The following TMEM30A variants were observed in gnomAD, a reference collection of about 807,000 sequenced individuals.
TMEM30A encodes the protein cell cycle control protein 50A.
A neutral mutation model predicts 38.2 loss-of-function variants in TMEM30A; 24 were observed. That is an observed-to-expected ratio of 0.63 (90% confidence interval 0.46 to 0.88). The LOEUF (loss-of-function observed/expected upper bound fraction) is 0.88, where lower values mean the gene tolerates loss of function less well. Ranked by LOEUF, TMEM30A falls within the 40% of genes least tolerant of loss-of-function variation. The pLI, the probability that TMEM30A is intolerant of heterozygous loss-of-function variation, is 0.00. For missense variants in TMEM30A, 370 were observed against 458.6 expected, an observed-to-expected ratio of 0.81 and a Z score of 1.77; for synonymous variants, 145 against 161.6, an observed-to-expected ratio of 0.90 and a Z score of 0.78.
intron 2 of TMEM30A, 64 bp downstream of exon 2, chr6:75,267,577 T>A: frequency 8.7e-7 from 1 of 1,149,872 alleles, no homozygotes; most frequent in Non-Finnish European, 1.3e-6. Context: ...GTAAAAGACA[T>A]TTAGTACAGT....
At chr6:75,282,222 G>C (rs1772370282) in intron 1 of TMEM30A, among the ~76,000 whole-genome samples, 2 of 152,194 alleles carry the variant, frequency 1.3e-5, no homozygotes, top group African/African-American at 4.8e-5. Context: ...CAGAGTGACA[G>C]AGCTGGGATT....
chr6:75,265,586 T>C (rs1004565763), intron 2 of TMEM30A, among the ~76,000 whole-genome samples: 2 of 152,204 alleles, frequency 1.3e-5, no homozygotes, highest in African/African-American at 4.8e-5. Context: ...AAAAGTACTA[T>C]TTACATTAAA....
chr6:75,283,377 TCCTG>T (rs1772393203), intron 1 of TMEM30A, among the ~76,000 whole-genome samples: 1 of 151,410 alleles, frequency 6.6e-6, no homozygotes, highest in Non-Finnish European at 1.5e-5. Flanking sequence ...TGGTACTAGT[TCCTG>T]CCCTTTCAAA....
chr6:75,255,498 T>C lies in TMEM30A; in HGVS notation c.*604A>G, dbSNP rs577694842. ...CTGCAGACATGAGCATTAATTCTTATGCCAGACAAGGTAAGCGTGTCCTTT... is the reference window on the plus strand; with the variant it reads ...CTGCAGACATGAGCATTAATTCTTACGCCAGACAAGGTAAGCGTGTCCTTT... On this transcript the variant is annotated 3_prime_UTR_variant, in exon 7 of 7. Coordinates refer to ENST00000230461, the MANE Select transcript of TMEM30A (RefSeq NM_018247.4). The C allele has an allele frequency of 8.5e-5, 13 of 152,610 alleles. No homozygotes were observed. The highest frequency in any genetic ancestry group is 2.6e-4 in the African/African-American group (11 of 41,578). The allele number at this position is 152,610 out of a possible 1,614,324, so 9.5% of individuals were successfully genotyped here. A position where few individuals can be genotyped will look rare whatever the true frequency, so the allele number is the denominator to read the frequency against.
intron 1 of TMEM30A, chr6:75,284,129 C>G (rs1461185574): frequency 2.0e-6 from 1 of 501,728 alleles, no homozygotes; most frequent in Non-Finnish European, 3.6e-6. Flanking sequence ...TCCACCTGAC[C>G]TATCTTCTGC....
Position 75,256,070 on chromosome 6 carries a change from A to G in TMEM30A, c.*32T>C, listed in dbSNP as rs1286051180. Reference sequence around the variant, plus strand: ...GGTTGAATAGGACTGGCCTTGATGCACATGCAGATGATTTGCTTTCATAAT... The same window carrying G: ...GGTTGAATAGGACTGGCCTTGATGCGCATGCAGATGATTTGCTTTCATAAT... On this transcript the variant is annotated 3_prime_UTR_variant, in exon 7 of 7. Coordinates refer to ENST00000230461, the MANE Select transcript of TMEM30A (RefSeq NM_018247.4). 6.7e-7 allele frequency: 1 copy of G among 1,500,684 alleles called. No individual in the cohort carries two copies. Among genetic ancestry groups the G allele is most frequent in the Non-Finnish European group, 9.2e-7 (1 of 1,088,482 alleles). The allele number at this position is 1,500,684 out of a possible 1,614,324, so 93.0% of individuals were successfully genotyped here. A position where few individuals can be genotyped will look rare whatever the true frequency, so the allele number is the denominator to read the frequency against.
At chr6:75,267,575 C>T (rs1205244674) in intron 2 of TMEM30A, 66 bp downstream of exon 2, 1 of 1,125,630 alleles carries the variant, frequency 8.9e-7, no homozygotes, top group Non-Finnish European at 1.3e-6. Context: ...TTGTAAAAGA[C>T]ATTTAGTACA....
chr6:75,262,648 A>G (rs1001282576), intron 3 of TMEM30A, among the ~76,000 whole-genome samples: 16 of 152,202 alleles, frequency 1.1e-4, no homozygotes, highest in Admixed American at 3.3e-4. Context: ...CCGTCTCAAA[A>G]AAAAAAACAA....
At chr6:75,272,349 G>A (rs1327093772) in intron 1 of TMEM30A, 2 of 149,500 alleles carry the variant, frequency 1.3e-5, no homozygotes, top group East Asian at 3.8e-4. Context: ...GCCTGGACAA[G>A]CCCAAGCAAG....
chr6:75,267,607 T>C lies in TMEM30A; in HGVS notation c.345+34A>G, dbSNP rs182657817. On this transcript the variant is annotated intron_variant, in intron 2 of 6. Coordinates refer to ENST00000230461, the MANE Select transcript of TMEM30A (RefSeq NM_018247.4). ...TACAGTATCAGTATTTTTTAAAGCA[T>C]GGCTTTTCTAGCACATTACTTGGAA... is the stretch of plus-strand genomic sequence containing the variant. 6 of 1,490,472 alleles carry C rather than the reference T, an allele frequency of 4.0e-6. No individual in the cohort carries two copies. The Admixed American group carries it at 5.3e-5, about 13-fold the overall frequency. 92.3% of individuals were successfully genotyped at this position (1,490,472 alleles called of 1,614,324 possible).
chr6:75,259,575 A>G, intron 4 of TMEM30A, 85 bp from the exon 5 acceptor site: 5 of 1,257,026 alleles, frequency 4.0e-6, no homozygotes, highest in Non-Finnish European at 3.2e-6. Flanking sequence ...TAAGGACCTG[A>G]TATTTGTTTC....
intron 1 of TMEM30A, among the ~76,000 whole-genome samples, chr6:75,274,844 T>C (rs934777138): frequency 2.0e-5 from 3 of 152,026 alleles, no homozygotes; most frequent in Non-Finnish European, 4.4e-5. Context: ...ACCCCGTCTC[T>C]ACTAAAAATA....
At chr6:75,268,838 G>T (rs1772115667) in intron 1 of TMEM30A, among the ~76,000 whole-genome samples, 1 of 152,104 alleles carries the variant, frequency 6.6e-6, no homozygotes. Flanking sequence ...TCTGAAGTGG[G>T]GGCAGTCTTG....
intron 1 of TMEM30A, among the ~76,000 whole-genome samples, chr6:75,276,260 G>C (rs544666674): frequency 1.3e-5 from 2 of 152,070 alleles, no homozygotes; most frequent in Non-Finnish European, 2.9e-5. Flanking sequence ...ACGGGTAAAC[G>C]TAAATAAAGT....
rs1489193244 is a variant in TMEM30A at position 75,254,591 on chromosome 6, GT to G, written c.*1510del. 6.6e-6 allele frequency: 1 copy of G among 151,680 alleles called. No homozygotes were observed. The highest frequency in any genetic ancestry group is 1.5e-5 in the Non-Finnish European group (1 of 67,872). 9.4% of individuals were successfully genotyped at this position (151,680 alleles called of 1,614,324 possible). On this transcript the variant is annotated 3_prime_UTR_variant, in exon 7 of 7. Coordinates refer to ENST00000230461, the MANE Select transcript of TMEM30A (RefSeq NM_018247.4). ...CATTTCTACTATTAACCATTACATT[GT>G]TTTTTGTTTTTTAAAAAAAGTATAT...
In TMEM30A at chr6:75,274,374, A is replaced by C. The variant is rs75461055; in HGVS notation, c.238-6626T>G. On this transcript the variant is annotated intron_variant, in intron 1 of 6. Coordinates refer to ENST00000230461, the MANE Select transcript of TMEM30A (RefSeq NM_018247.4). ...GAACAGTATCCTGAATGCTAGACAG[A>C]AACAGCCATAAGAGAAATTTTAAAT... Among the ~76,000 whole-genome samples, 1,078 of 152,332 alleles carry C rather than the reference A, an allele frequency of 7.1e-3. 34 individuals carry two copies. In the East Asian group the frequency reaches 0.11, roughly 15 times the overall value.
chr6:75,270,121 T>C (rs546764332), intron 1 of TMEM30A, among the ~76,000 whole-genome samples: 1 of 152,212 alleles, frequency 6.6e-6, no homozygotes. Context: ...TTTACTTTTG[T>C]AAGAAACTGC....
chr6:75,261,642 C>T (rs1428792420), intron 3 of TMEM30A, among the ~76,000 whole-genome samples: 4 of 152,164 alleles, frequency 2.6e-5, no homozygotes, highest in African/African-American at 9.7e-5. Flanking sequence ...GGGACCCTCC[C>T]GCCACATTAA....
intron 1 of TMEM30A, among the ~76,000 whole-genome samples, chr6:75,283,032 C>G: frequency 6.6e-6 from 1 of 151,984 alleles, no homozygotes; most frequent in East Asian, 1.9e-4. Flanking sequence ...GGTGATAAAA[C>G]AAACTAAAAT....
Sources: allele counts gnomAD v4.1 joint callset (sites outside exome capture counted in the v4.1 genomes callset), GRCh38; gene constraint gnomAD v4.1.1; transcripts MANE v1.5; gene names NCBI Gene and HGNC (gene_info 2026-07-23, HGNC 2026-07-21).